DOK6: variants seen among roughly 807,000 people sequenced by gnomAD.
DOK6 encodes the protein docking protein 6.
A neutral mutation model predicts 44.0 loss-of-function variants in DOK6; 22 were observed. That is an observed-to-expected ratio of 0.50 (90% CI 0.36 to 0.71). The LOEUF is 0.71. DOK6 is among the 30% of genes least tolerant of loss of function. The pLI, the probability that DOK6 is intolerant of heterozygous loss-of-function variation, is 0.00. For synonymous variants in DOK6, 166 were observed against 145.5 expected (o/e 1.14, Z -1.01); for missense variants, 340 against 416.4 (o/e 0.82, Z 1.60).
At chr18:69,427,076 A>T (rs751960593) in intron 1 of DOK6, among the ~76,000 whole-genome samples, 4 of 152,086 alleles carry the variant, frequency 2.6e-5, no homozygotes, top group Non-Finnish European at 4.4e-5. Context: ...CCTCCAATTT[A>T]TAAGCAAGAA....
intron 7 of DOK6, among the ~76,000 whole-genome samples, chr18:69,834,770 C>T (rs1981995932): frequency 6.6e-6 from 1 of 152,178 alleles, no homozygotes; most frequent in African/African-American, 2.4e-5. Context: ...TTCACATTTA[C>T]TTAACTGCCC....
chr18:69,809,600 G>C (rs1344943328), intron 7 of DOK6, among the ~76,000 whole-genome samples: 3 of 129,588 alleles, frequency 2.3e-5, no homozygotes, highest in Non-Finnish European at 1.6e-5. Context: ...ACACACAAAA[G>C]AAAGAAAAAA....
intron 7 of DOK6, among the ~76,000 whole-genome samples, chr18:69,768,954 C>CGTGTGCGTGTGTGT (rs1979805273): frequency 7.0e-6 from 1 of 142,590 alleles, no homozygotes; most frequent in African/African-American, 2.6e-5. Context: ...GAAGGGTGTG[C>CGTGTGCGTGTGTGT]GTGTGTGTGT....
chr18:69,491,990 T>C (rs1980748226), intron 1 of DOK6, among the ~76,000 whole-genome samples: 2 of 152,194 alleles, frequency 1.3e-5, no homozygotes, highest in Admixed American at 1.3e-4. Context: ...TCAGATAGTT[T>C]TATTATGGCT....
chr18:69,551,912 A>G (rs1401561979), intron 1 of DOK6, among the ~76,000 whole-genome samples: 5 of 152,200 alleles, frequency 3.3e-5, no homozygotes, highest in South Asian at 4.1e-4. Flanking sequence ...AAATGTATTG[A>G]AATCTCCATA....
chr18:69,423,521 G>C (rs1329610061), intron 1 of DOK6, among the ~76,000 whole-genome samples: 1 of 152,086 alleles, frequency 6.6e-6, no homozygotes, highest in Non-Finnish European at 1.5e-5. Context: ...TGCTGATTTT[G>C]CTATTACAAA....
intron 3 of DOK6, among the ~76,000 whole-genome samples, chr18:69,639,773 A>C (rs1452826780): frequency 1.3e-5 from 2 of 152,196 alleles, no homozygotes; most frequent in African/African-American, 2.4e-5. Context: ...AAGGAGAGAA[A>C]AAGTCAACAG....
At chr18:69,520,755 C>G (rs1599171121) in intron 1 of DOK6, among the ~76,000 whole-genome samples, 1 of 151,772 alleles carries the variant, frequency 6.6e-6, no homozygotes, top group African/African-American at 2.4e-5. Context: ...TCAAAATATC[C>G]AAAATCTGAA....
intron 7 of DOK6, among the ~76,000 whole-genome samples, chr18:69,822,739 C>T (rs11875246): frequency 0.13 from 19,955 of 152,168 alleles, 1,446 homozygotes; most frequent in African/African-American, 0.15. Flanking sequence ...AAAAGACTCA[C>T]GGAGAACAGT....
intron 2 of DOK6, among the ~76,000 whole-genome samples, chr18:69,574,831 T>C: frequency 6.6e-6 from 1 of 152,070 alleles, no homozygotes; most frequent in East Asian, 1.9e-4. Flanking sequence ...TCATAGCCAA[T>C]GGATAGGGTA....
chr18:69,608,874 C>T (rs1405960613), intron 3 of DOK6, among the ~76,000 whole-genome samples: 3 of 142,382 alleles, frequency 2.1e-5, no homozygotes, highest in Non-Finnish European at 3.0e-5. Context: ...CGCTTCAACC[C>T]GGGAGGTGGA....
chr18:69,803,692 C>T (rs1980968950), intron 7 of DOK6, among the ~76,000 whole-genome samples: 1 of 152,076 alleles, frequency 6.6e-6, no homozygotes, highest in African/African-American at 2.4e-5. Context: ...GAAACCCCGT[C>T]TCTACTAAAA....
rs113689563 is a variant in DOK6 at position 69,442,199 on chromosome 18, A to C, written c.66+40889A>C. ...ATTTGTTCATTTTATGAATATTAAC[A>C]GTATTTGAAAGCATATTTTATGTTC... On this transcript the variant is annotated intron_variant, in intron 1 of 7. Coordinates refer to ENST00000382713, the MANE Select transcript of DOK6 (RefSeq NM_152721.6). Among the ~76,000 whole-genome samples, 805 of 152,234 alleles carry C rather than the reference A, an allele frequency of 5.3e-3. 14 individuals carry two copies. Among genetic ancestry groups the C allele is most frequent in the African/African-American group, 0.018 (757 of 41,526 alleles).
intron 7 of DOK6, among the ~76,000 whole-genome samples, chr18:69,772,177 TA>T (rs1276990160): frequency 7.3e-5 from 11 of 151,480 alleles, no homozygotes; most frequent in African/African-American, 2.7e-4. Context: ...CTCTAAAAAA[TA>T]AATAAATAAA....
rs539809876 is a variant in DOK6 at position 69,644,237 on chromosome 18, T to C, written c.290-33497T>C. Among the ~76,000 whole-genome samples, 3 of 152,272 alleles carry C rather than the reference T, an allele frequency of 2.0e-5. No individual in the cohort carries two copies. The East Asian group carries it at 5.8e-4, about 29-fold the overall frequency. On this transcript the variant is annotated intron_variant, in intron 3 of 7. Coordinates refer to ENST00000382713, the MANE Select transcript of DOK6 (RefSeq NM_152721.6). ...CTGTTTTCATCCTTTTCACATAGGT[T>C]TTTACAGAGCAAAAGTTTTTAATTT... is the stretch of plus-strand genomic sequence containing the variant.
At position 69,783,525 on chromosome 18, in the gene DOK6, T is replaced by C. The variant is rs939776172; in HGVS notation, c.856+25652T>C. ...TATATACTACGTGCATTGGGCAGCA[T>C]TGTTCTGGTATGATCCAGGTGCTGA... On this transcript the variant is annotated intron_variant, in intron 7 of 7. Coordinates refer to ENST00000382713, the MANE Select transcript of DOK6 (RefSeq NM_152721.6). Among the ~76,000 whole-genome samples, 5 of 152,298 alleles carry C rather than the reference T, an allele frequency of 3.3e-5. No individual in the cohort carries two copies. The South Asian group carries it at 6.2e-4, about 19-fold the overall frequency.
chr18:69,405,775 AATAAAT>A (rs1215590091), intron 1 of DOK6, among the ~76,000 whole-genome samples: 1 of 152,200 alleles, frequency 6.6e-6, no homozygotes, highest in Non-Finnish European at 1.5e-5. Flanking sequence ...AATTAGATGC[AATAAAT>A]ATATTTAAGA....
intron 1 of DOK6, among the ~76,000 whole-genome samples, chr18:69,481,040 G>C (rs1980403414): frequency 6.6e-6 from 1 of 152,076 alleles, no homozygotes; most frequent in East Asian, 1.9e-4. Flanking sequence ...AGTGCCAGAG[G>C]AGTAAAGCTT....
chr18:69,564,328 C>A (rs1008507300), intron 1 of DOK6, among the ~76,000 whole-genome samples, 159 bp from the exon 2 acceptor site: 10 of 152,128 alleles, frequency 6.6e-5, no homozygotes, highest in African/African-American at 2.2e-4. Context: ...CATGAAATAT[C>A]ATATTTAAAA....
Sources: gnomAD v4.1 joint callset for allele counts (sites outside exome capture counted in the v4.1 genomes callset) on GRCh38, gnomAD v4.1.1 for gene constraint, MANE v1.5 for transcripts, NCBI Gene and HGNC (gene_info 2026-07-23, HGNC 2026-07-21) for gene names.